FBN1: variants seen among roughly 807,000 people sequenced by gnomAD.
The protein encoded by FBN1 is fibrillin-1.
FBN1 carries 29 observed loss-of-function variants against 365.1 expected under a neutral mutation model. That is an observed-to-expected ratio of 0.08 (90% CI 0.06 to 0.11). The LOEUF (loss-of-function observed/expected upper bound fraction) is 0.11. Ranked by LOEUF, FBN1 falls within the 10% of genes least tolerant of loss-of-function variation. The pLI is 1.00. For synonymous variants in FBN1, 1,210 were observed against 1,270.5 expected (o/e 0.95, Z 1.01); for missense variants, 2,476 against 3,703.2 (o/e 0.67, Z 8.60).
At chr15:48,468,855 T>G (rs1288663176) in intron 36 of FBN1, among the ~76,000 whole-genome samples, 1 of 150,428 alleles carries the variant, frequency 6.6e-6, no homozygotes, top group Non-Finnish European at 1.5e-5. Context: ...GATCACGAGG[T>G]CAGGAGATCG....
Position 48,485,405 on chromosome 15 carries a change from A to C in FBN1, c.3681T>G (p.Phe1227Leu), listed in dbSNP as rs2043497341. 6.2e-7 allele frequency: 1 copy of C among 1,614,196 alleles called. No homozygotes were observed. The highest frequency in any genetic ancestry group is 8.5e-7 in the Non-Finnish European group (1 of 1,180,034). Residue 1227 changes from phenylalanine (F) to leucine (L), a missense_variant, in exon 30 of 66, where the codon TTT (phenylalanine) becomes TTG (leucine). Coordinates refer to ENST00000316623, the MANE Select transcript of FBN1 (RefSeq NM_000138.5). ...GSYECSCQPGFALMPDQRSCT... is the reference protein window; with the variant it reads ...GSYECSCQPGLALMPDQRSCT... Reference sequence around the variant, plus strand: ...ATGATCTCTGGTCAGGCATTAGTGCAAATCCCGGCTGACAGCTACATTCAT... The same window carrying C: ...ATGATCTCTGGTCAGGCATTAGTGCCAATCCCGGCTGACAGCTACATTCAT...
chr15:48,546,367 CTTCT>C (rs771121913), intron 6 of FBN1, among the ~76,000 whole-genome samples: 3 of 152,186 alleles, frequency 2.0e-5, no homozygotes, highest in Non-Finnish European at 4.4e-5. Flanking sequence ...TCAGAAAAGA[CTTCT>C]TTGAGGAGGT....
At chr15:48,491,671 A>G (rs1295404242) in intron 24 of FBN1, among the ~76,000 whole-genome samples, 1 of 152,106 alleles carries the variant, frequency 6.6e-6, no homozygotes, top group African/African-American at 2.4e-5. Context: ...ACTACCTACA[A>G]TAGTCTTCAC....
At chr15:48,522,704 C>T (rs866260602) in intron 9 of FBN1, among the ~76,000 whole-genome samples, 3 of 152,112 alleles carry the variant, frequency 2.0e-5, no homozygotes, top group South Asian at 2.1e-4. Context: ...AAAAACAAGG[C>T]TAATTTAGAA....
At chr15:48,412,845 C>T in intron 64 of FBN1, 102 bp from the exon 65 acceptor site, 4 of 1,390,434 alleles carry the variant, frequency 2.9e-6, no homozygotes, top group South Asian at 1.2e-5. Context: ...TTGTGAGATA[C>T]AGCCCTTGCT....
chr15:48,416,321 A>AGTGTCTGCCCCAC (rs978458463), intron 63 of FBN1, among the ~76,000 whole-genome samples: 2 of 152,306 alleles, frequency 1.3e-5, no homozygotes, highest in East Asian at 3.9e-4. Context: ...TCCTGCCCCA[A>AGTGTCTGCCCCAC]GTGTCTGCCC....
intron 6 of FBN1, among the ~76,000 whole-genome samples, chr15:48,566,993 TG>T (rs1328040200): frequency 1.3e-5 from 2 of 152,202 alleles, no homozygotes; most frequent in African/African-American, 4.8e-5. Context: ...TTGATGGAAA[TG>T]CAGAGACTCA....
intron 6 of FBN1, among the ~76,000 whole-genome samples, chr15:48,582,886 A>G (rs770828045): frequency 3.3e-5 from 5 of 152,164 alleles, no homozygotes; most frequent in Non-Finnish European, 7.3e-5. Context: ...GGCATTGGAA[A>G]CCTATAAGAA....
chr15:48,530,086 A>G (rs1387756733), intron 8 of FBN1, among the ~76,000 whole-genome samples: 3 of 92,984 alleles, frequency 3.2e-5, no homozygotes. Flanking sequence ...CCCGATCACA[A>G]CTTGAAAATG....
At chr15:48,596,166 T>A in intron 6 of FBN1, 117 bp downstream of exon 6, 1 of 905,874 alleles carries the variant, frequency 1.1e-6, no homozygotes, top group Non-Finnish European at 1.8e-6. Context: ...AAATGAGAAA[T>A]CCCCTCAAAG....
chr15:48,551,075 T>C (rs942737831), intron 6 of FBN1, among the ~76,000 whole-genome samples: 3 of 152,242 alleles, frequency 2.0e-5, no homozygotes, highest in Non-Finnish European at 2.9e-5. Context: ...CAAGATGTAA[T>C]TAACTACTTA....
intron 37 of FBN1, 59 bp downstream of exon 37, chr15:48,468,353 G>A (rs1413086170): frequency 1.3e-6 from 2 of 1,598,738 alleles, no homozygotes; most frequent in South Asian, 1.1e-5. Flanking sequence ...AATGTTTGGT[G>A]CTGTTTTCAA....
Position 48,409,554 on chromosome 15 carries a change from A to C in FBN1, c.*1436T>G, listed in dbSNP as rs1359510024. The C allele has an allele frequency of 6.6e-6, 1 of 152,214 alleles. No homozygotes were observed. Among genetic ancestry groups the C allele is most frequent in the Non-Finnish European group, 1.5e-5 (1 of 68,042 alleles). The allele number at this position is 152,214 out of a possible 1,614,324, so 9.4% of individuals were successfully genotyped here. On this transcript the variant is annotated 3_prime_UTR_variant, in exon 66 of 66. Transcript: ENST00000316623. ...CTCAATATTGCACTTAAAATAAAAC[A>C]GACTTTAAAAATTATGACATTAAGA...
At chr15:48,513,745 A>T in intron 12 of FBN1, 77 bp from the exon 13 acceptor site, 1 of 1,519,840 alleles carries the variant, frequency 6.6e-7, no homozygotes. Context: ...GGTTCCTTTT[A>T]TACATATAAA....
intron 6 of FBN1, among the ~76,000 whole-genome samples, chr15:48,557,988 C>G (rs2044194896): frequency 6.6e-6 from 1 of 152,178 alleles, no homozygotes; most frequent in Non-Finnish European, 1.5e-5. Flanking sequence ...GTGGTTCCCC[C>G]ACTCCCATTC....
chr15:48,583,458 C>T (rs895834576), intron 6 of FBN1, among the ~76,000 whole-genome samples: 4 of 152,176 alleles, frequency 2.6e-5, no homozygotes, highest in Non-Finnish European at 5.9e-5. Flanking sequence ...CCAACCTGAC[C>T]AGGCCGTATT....
intron 2 of FBN1, among the ~76,000 whole-genome samples, chr15:48,613,831 G>C (rs2044675553): frequency 6.6e-6 from 1 of 152,172 alleles, no homozygotes; most frequent in Non-Finnish European, 1.5e-5. Flanking sequence ...GGGGGGCTGA[G>C]GCACGAGAAT....
At chr15:48,422,238 T>C (rs901244784) in intron 60 of FBN1, among the ~76,000 whole-genome samples, 170 bp from the exon 61 acceptor site, 1 of 152,086 alleles carries the variant, frequency 6.6e-6, no homozygotes, top group Non-Finnish European at 1.5e-5. Flanking sequence ...ATCTGAAAGA[T>C]AAAACAAGGT....
intron 2 of FBN1, among the ~76,000 whole-genome samples, chr15:48,627,453 G>A (rs1230489360): frequency 2.0e-5 from 3 of 152,194 alleles, no homozygotes; most frequent in African/African-American, 7.2e-5. Flanking sequence ...TCAACATGTG[G>A]ATAATTCAAA....
Sources: gnomAD v4.1 joint callset for allele counts (sites outside exome capture counted in the v4.1 genomes callset) on GRCh38, gnomAD v4.1.1 for gene constraint, MANE v1.5 for transcripts, NCBI Gene and HGNC (gene_info 2026-07-23, HGNC 2026-07-21) for gene names.